Variants in CPA1 observed in about 807,000 individuals in gnomAD.
CPA1 encodes the protein carboxypeptidase A1, also known as carboxypeptidase A1 (pancreatic).
CPA1 carries 42 observed loss-of-function variants against 48.7 expected under a neutral mutation model. The ratio of observed to expected loss-of-function variants is 0.86; its 90% confidence interval spans 0.67 to 1.11. The LOEUF (loss-of-function observed/expected upper bound fraction) is 1.11. Among genes scored for constraint, CPA1 ranks in the 50% most tolerant of loss-of-function variants. The probability of loss-of-function intolerance (pLI) is 0.00; values close to 1 mark genes in which losing one functional copy is unlikely to be tolerated. For synonymous variants in CPA1, 203 were observed against 217.9 expected (o/e 0.93, Z 0.60); for missense variants, 477 against 544.7 (o/e 0.88, Z 1.24).
chr7:130,380,832 G>A, intron 1 of CPA1: 3 of 570,866 alleles, frequency 5.3e-6, no homozygotes, highest in Non-Finnish European at 6.2e-6. Flanking sequence ...GAAAGGAGGA[G>A]GCCTGGCTGG....
chr7:130,384,125 G>T (rs973390980), intron 6 of CPA1: 1 of 447,320 alleles, frequency 2.2e-6, no homozygotes, highest in Non-Finnish European at 4.1e-6. Context: ...ATTGTCCCCA[G>T]TGGAGGCCCA....
At chr7:130,384,085 T>C (rs1336631768) in intron 6 of CPA1, 3 of 481,310 alleles carry the variant, frequency 6.2e-6, no homozygotes, top group African/African-American at 3.9e-5. Flanking sequence ...TGTCTTCAGA[T>C]ATTGCAAAAT....
rs782198689 is a variant in CPA1 at position 130,383,540 on chromosome 7, G to A, written c.585+48G>A. 3.3e-6 allele frequency: 5 copies of A among 1,525,888 alleles called. No homozygotes were observed. The Admixed American group carries it at 8.5e-5, about 26-fold the overall frequency. The allele number at this position is 1,525,888 out of a possible 1,614,324, so 94.5% of individuals were successfully genotyped here. On this transcript the variant is annotated intron_variant, in intron 5 of 9. Transcript: ENST00000011292. ...GGCTCTCACCTGGTGGGGCATTGGT[G>A]TCCAAGGCCCACAGAAGCCCGGGCC... is the stretch of plus-strand genomic sequence containing the variant.
chr7:130,383,357 A>G (rs1461578336), intron 4 of CPA1, 34 bp from the exon 5 acceptor site: 3 of 1,585,836 alleles, frequency 1.9e-6, no homozygotes, highest in East Asian at 2.2e-5. Flanking sequence ...CAGCTGTGAA[A>G]TTGCCTCTGA....
At chr7:130,381,001 G>A in intron 1 of CPA1, 97 bp from the exon 2 acceptor site, 1 of 962,358 alleles carries the variant, frequency 1.0e-6, no homozygotes, top group South Asian at 1.4e-5. Context: ...CCCAGTCTGG[G>A]GATTCTGGGC....
At chr7:130,382,877 T>C (rs1796424941) in intron 4 of CPA1, among the ~76,000 whole-genome samples, 2 of 152,012 alleles carry the variant, frequency 1.3e-5, no homozygotes, top group Admixed American at 1.3e-4. Flanking sequence ...TCTCCTGACC[T>C]TGTGATCTGC....
At chr7:130,385,057 C>A in intron 7 of CPA1, 89 bp from the exon 8 acceptor site, 1 of 1,333,544 alleles carries the variant, frequency 7.5e-7, no homozygotes, top group Non-Finnish European at 1.1e-6. Flanking sequence ...TTCCATACCA[C>A]CTCACCCCCA....
rs373588913 is a variant in CPA1 at position 130,384,668 on chromosome 7, C to T, written c.787+42C>T. On this transcript the variant is annotated intron_variant, in intron 7 of 9. Coordinates refer to ENST00000011292, the MANE Select transcript of CPA1 (RefSeq NM_001868.4). ...CTTGGGAGCAAGGATGGGATGGCCT[C>T]GAATGGCTCCTCACCACTGCTCTTG... 4.0e-5 allele frequency: 60 copies of T among 1,504,976 alleles called. No individual in the cohort carries two copies. In the African/African-American group the frequency reaches 4.4e-4, roughly 11 times the overall value. 93.2% of individuals were successfully genotyped at this position (1,504,976 alleles called of 1,614,324 possible).
rs782603249 is a variant in CPA1, at chr7:130,384,646, G to T, written c.787+20G>T. Reference sequence around the variant, plus strand: ...TTGGGTGTAAGGCCCAGAGTGTCTTGGGAGCAAGGATGGGATGGCCTCGAA... The same window carrying T: ...TTGGGTGTAAGGCCCAGAGTGTCTTTGGAGCAAGGATGGGATGGCCTCGAA... On this transcript the variant is annotated intron_variant, in intron 7 of 9. Coordinates refer to ENST00000011292, the MANE Select transcript of CPA1 (RefSeq NM_001868.4). The T allele has an allele frequency of 6.2e-7, 1 of 1,604,528 alleles. No individual in the cohort carries two copies. The highest frequency in any genetic ancestry group is 8.5e-7 in the Non-Finnish European group (1 of 1,171,364).
At chr7:130,381,274 C>A (rs1796400504) in intron 2 of CPA1, 95 bp downstream of exon 2, 2 of 807,680 alleles carry the variant, frequency 2.5e-6, no homozygotes, top group Admixed American at 2.6e-5. Flanking sequence ...GCTGTCTCCA[C>A]CCAACAAGGA....
chr7:130,381,478 G>T, intron 2 of CPA1, 152 bp from the exon 3 acceptor site: 2 of 633,306 alleles, frequency 3.2e-6, no homozygotes, highest in East Asian at 2.7e-5. Flanking sequence ...GGGTTTCCCC[G>T]TATTTCTCTG....
At chr7:130,384,934 C>T in intron 7 of CPA1, 1 of 616,004 alleles carries the variant, frequency 1.6e-6, no homozygotes, top group Non-Finnish European at 2.9e-6. Flanking sequence ...AGGAGCCCGT[C>T]TTCCCTCCCT....
At chr7:130,380,806 A>G (rs1554411066) in intron 1 of CPA1, 1 of 549,054 alleles carries the variant, frequency 1.8e-6, no homozygotes, top group Non-Finnish European at 3.2e-6. Context: ...TCTGAGGAGG[A>G]GTTTTCAGGA....
intron 5 of CPA1, 31 bp downstream of exon 5, chr7:130,383,523 C>T (rs1238957799): frequency 6.3e-7 from 1 of 1,580,142 alleles, no homozygotes; most frequent in South Asian, 1.1e-5. Context: ...AGGGCTCTCA[C>T]CTGGTGGGGC....
Position 130,383,435 on chromosome 7 carries a change from G to T in CPA1, c.528G>T (p.Thr176=). The T allele has an allele frequency of 6.2e-7, 1 of 1,614,170 alleles. No individual in the cohort carries two copies. Among genetic ancestry groups the T allele is most frequent in the Non-Finnish European group, 8.5e-7 (1 of 1,180,024 alleles). The change falls in exon 5 of 10, where the codon ACG becomes ACT. Residue 176 remains threonine, a synonymous_variant. Coordinates refer to ENST00000011292, the MANE Select transcript of CPA1 (RefSeq NM_001868.4). ...GSKRPAIWID[T]GIHSREWVTQ... ...AGCGTCCAGCCATCTGGATCGACAC[G>T]GGCATCCATTCCCGGGAGTGGGTCA...
At chr7:130,382,284 C>T (rs978728258) in intron 4 of CPA1, 75 bp downstream of exon 4, 18 of 1,156,394 alleles carry the variant, frequency 1.6e-5, no homozygotes, top group Middle Eastern at 2.0e-4. Context: ...TGGGCTCTCC[C>T]GGGGAAATCA....
At position 130,386,308 on chromosome 7, in the gene CPA1, G is replaced by A. The variant is rs112860644; in HGVS notation, c.1072+385G>A. ...AGCACTTTGGGAGGCTGAGGTGGGCGGATCACGAGGTCAGGAGATAGAGAC... is the reference window on the plus strand; with the variant it reads ...AGCACTTTGGGAGGCTGAGGTGGGCAGATCACGAGGTCAGGAGATAGAGAC... On this transcript the variant is annotated intron_variant, in intron 9 of 9. Transcript: ENST00000011292. Among the ~76,000 whole-genome samples the A allele has an allele frequency of 1.9e-3, 294 of 152,028 alleles. 1 individual carries two copies. The highest frequency in any genetic ancestry group is 6.9e-3 in the African/African-American group (286 of 41,470).
Position 130,381,800 on chromosome 7 carries a change from C to T in CPA1, c.318C>T (p.Ala106=). 3 of 1,614,176 alleles carry T rather than the reference C, an allele frequency of 1.9e-6. No individual in the cohort carries two copies. Among genetic ancestry groups the T allele is most frequent in the South Asian group, 1.1e-5 (1 of 91,084 alleles). The change falls in exon 3 of 10, where the codon GCC becomes GCT. Residue 106 remains alanine, a synonymous_variant. Transcript: ENST00000011292. ...LLDEEQEQMF[A]FRSRARSTDT... ...ACGAGGAGCAGGAGCAGATGTTCGC[C>T]TTCCGGTCCCGGGCGCGCTCCACCG... is the stretch of plus-strand genomic sequence containing the variant.
At position 130,388,053 on chromosome 7, in the gene CPA1, A is replaced by G. The variant is rs369479305; in HGVS notation, c.*42A>G. ...CCTTCTTGTCCTCCTCTCTGGCCCC[A>G]TCCAGGCAACCAAATAAAGTTTGAG... On this transcript the variant is annotated 3_prime_UTR_variant, in exon 10 of 10. Transcript: ENST00000011292. 6.9e-6 allele frequency: 11 copies of G among 1,590,380 alleles called. No homozygotes were observed. The highest frequency in any genetic ancestry group is 8.6e-6 in the Non-Finnish European group (10 of 1,161,414).
Sources: allele counts gnomAD v4.1 joint callset (sites outside exome capture counted in the v4.1 genomes callset), GRCh38; gene constraint gnomAD v4.1.1; transcripts MANE v1.5; gene names NCBI Gene and HGNC (gene_info 2026-07-23, HGNC 2026-07-21).